BMAL1: variants seen among roughly 807,000 people sequenced by gnomAD.
The protein encoded by BMAL1 is basic helix-loop-helix ARNT like 1.
chr11:13,352,975 G>A, the BMAL1 span, among the ~76,000 whole-genome samples: 27 of 152,280 alleles, frequency 1.8e-4, 1 homozygote, highest in East Asian at 3.5e-3. Flanking sequence ...TTCAAGGGCC[G>A]GTTTGCTTAA....
chr11:13,291,159 A>G, the BMAL1 span, among the ~76,000 whole-genome samples: 1 of 152,230 alleles, frequency 6.6e-6, no homozygotes, highest in Non-Finnish European at 1.5e-5. Context: ...TTTGATGTTC[A>G]TCAAAGTCAC....
chr11:13,357,208 C>T, the BMAL1 span: 3 of 1,467,628 alleles, frequency 2.0e-6, no homozygotes, highest in Non-Finnish European at 1.8e-6. The surrounding 1 kb of genome is among the most constrained non-coding windows in gnomAD (Gnocchi z 4.8). Context: ...TGGGCACTGT[C>T]ACCTCCTTAG....
chr11:13,280,774 G>A, the BMAL1 span, among the ~76,000 whole-genome samples: 16 of 152,218 alleles, frequency 1.1e-4, no homozygotes, highest in African/African-American at 3.6e-4. Flanking sequence ...AATAAGACCT[G>A]CTCTGACTCA....
chr11:13,352,103 G>C, the BMAL1 span, among the ~76,000 whole-genome samples: 1 of 152,132 alleles, frequency 6.6e-6, no homozygotes, highest in African/African-American at 2.4e-5. Context: ...CCAGGCATGA[G>C]CTGGGGAAGG....
the BMAL1 span, among the ~76,000 whole-genome samples, chr11:13,364,637 ATGTC>A: frequency 6.6e-6 from 1 of 152,140 alleles, no homozygotes; most frequent in Admixed American, 6.5e-5. Context: ...GAGTGGTTGT[ATGTC>A]TGGAAGGCAG....
At chr11:13,322,114 T>C in the BMAL1 span, among the ~76,000 whole-genome samples, 1 of 152,304 alleles carries the variant, frequency 6.6e-6, no homozygotes, top group East Asian at 1.9e-4. Context: ...GACCTCGGGC[T>C]AATCACCTGA....
chr11:13,372,241 A>C, the BMAL1 span: 1 of 1,614,236 alleles, frequency 6.2e-7, no homozygotes, highest in Non-Finnish European at 8.5e-7. Flanking sequence ...GGGCTGGATG[A>C]AGACAACGAA....
the BMAL1 span, among the ~76,000 whole-genome samples, chr11:13,324,100 AGTTT>A: frequency 6.7e-6 from 1 of 149,228 alleles, no homozygotes; most frequent in Non-Finnish European, 1.5e-5. Context: ...CCTTATTATT[AGTTT>A]GTTTCTTTAT....
chr11:13,277,337 G>C, the BMAL1 span, among the ~76,000 whole-genome samples: 1 of 152,202 alleles, frequency 6.6e-6, no homozygotes, highest in African/African-American at 2.4e-5. Flanking sequence ...CAGAGAAGAG[G>C]GACATCCCGG....
the BMAL1 span, among the ~76,000 whole-genome samples, chr11:13,367,353 T>A: frequency 6.6e-6 from 1 of 152,166 alleles, no homozygotes; most frequent in African/African-American, 2.4e-5. Flanking sequence ...CCAGTAGCTG[T>A]CATCTACTTT....
the BMAL1 span, among the ~76,000 whole-genome samples, chr11:13,322,778 CTTTTTT>C: frequency 0.024 from 1,192 of 50,190 alleles, 9 homozygotes; most frequent in Non-Finnish European, 0.032. Flanking sequence ...GTGAGCAAGT[CTTTTTT>C]TTTTTTTTTT....
At chr11:13,281,619 C>T in the BMAL1 span, among the ~76,000 whole-genome samples, 1 of 152,146 alleles carries the variant, frequency 6.6e-6, no homozygotes, top group African/African-American at 2.4e-5. Context: ...AGGTAATCCT[C>T]CTGCCTCAGC....
chr11:13,292,542 ATC>A, the BMAL1 span, among the ~76,000 whole-genome samples: 2 of 53,474 alleles, frequency 3.7e-5, no homozygotes, highest in Non-Finnish European at 8.8e-5. Context: ...GCGAGACTCC[ATC>A]TCAAAAAAAA....
the BMAL1 span, chr11:13,360,470 T>C: frequency 6.9e-4 from 1,080 of 1,561,908 alleles, 4 homozygotes; most frequent in South Asian, 3.0e-3. Context: ...TTTTTATAAA[T>C]TTTCAAGTAA....
At chr11:13,367,291 C>T in the BMAL1 span, among the ~76,000 whole-genome samples, 3 of 152,214 alleles carry the variant, frequency 2.0e-5, no homozygotes, top group Non-Finnish European at 4.4e-5. Flanking sequence ...CCATCCACAT[C>T]GCTCCCTCTG....
At chr11:13,362,228 C>T in the BMAL1 span, among the ~76,000 whole-genome samples, 1 of 152,154 alleles carries the variant, frequency 6.6e-6, no homozygotes. Flanking sequence ...GCCTTCCTTG[C>T]CAAAAAAGCC....
chr11:13,300,980 C>T, the BMAL1 span, among the ~76,000 whole-genome samples: 2 of 152,188 alleles, frequency 1.3e-5, no homozygotes, highest in East Asian at 3.9e-4. Flanking sequence ...GTTCTGTCAC[C>T]AGGCTGGAGT....
chr11:13,376,720 C>T, the BMAL1 span: 2 of 1,613,676 alleles, frequency 1.2e-6, no homozygotes, highest in Non-Finnish European at 1.7e-6. Context: ...ATGCTGCCCT[C>T]TGGAGAAGGT....
chr11:13,284,253 TATATATATA>T, the BMAL1 span, among the ~76,000 whole-genome samples: 171 of 32,234 alleles, frequency 5.3e-3, 19 homozygotes, highest in African/African-American at 0.013. Flanking sequence ...TATATATATA[TATATATATA>T]TATATTTTTT....
Sources: gnomAD v4.1 joint callset for allele counts (sites outside exome capture counted in the v4.1 genomes callset) on GRCh38, gnomAD v4.1.1 for gene constraint, Gnocchi (gnomAD v3.1) non-coding constraint, MANE v1.5 for transcripts, NCBI Gene and HGNC (gene_info 2026-07-23, HGNC 2026-07-21) for gene names.